The following GPI variants were observed in gnomAD, a reference collection of about 807,000 sequenced individuals.
GPI encodes the protein D-hexose-6-phosphate anomerase.
GPI carries 56 observed loss-of-function variants against 75.8 expected under a neutral mutation model. That is an observed-to-expected ratio of 0.74 (90% CI 0.60 to 0.92). GPI has a LOEUF of 0.92. Ranked by LOEUF, GPI falls within the 40% of genes least tolerant of loss-of-function variation. GPI has a pLI of 0.00. For synonymous variants in GPI, 288 were observed against 285.4 expected (o/e 1.01, Z -0.09); for missense variants, 638 against 741.0 (o/e 0.86, Z 1.61).
Position 34,400,449 on chromosome 19 carries a change from C to CG in GPI, c.*416dup. 1.7e-6 allele frequency: 1 copy of CG among 578,916 alleles called. No individual in the cohort carries two copies. Among genetic ancestry groups the CG allele is most frequent in the Non-Finnish European group, 3.0e-6 (1 of 328,312 alleles). 35.9% of individuals were successfully genotyped at this position (578,916 alleles called of 1,614,324 possible). ...CGGACACTTAACACTAAGTGGTGAG[C>CG]GGGTCTAGAGTGGAGCAAGGTGCCC... On this transcript the variant is annotated 3_prime_UTR_variant, in exon 18 of 18. Transcript: ENST00000356487.
At position 34,400,209 on chromosome 19, in the gene GPI, C is replaced by T. The variant is rs1056419782; in HGVS notation, c.*173C>T. 1.4e-5 allele frequency: 10 copies of T among 703,214 alleles called. No individual in the cohort carries two copies. The highest frequency in any genetic ancestry group is 2.3e-5 in the Non-Finnish European group (9 of 392,838). The allele number at this position is 703,214 out of a possible 1,614,324, so 43.6% of individuals were successfully genotyped here. A position where few individuals can be genotyped will look rare whatever the true frequency, so the allele number is the denominator to read the frequency against. On this transcript the variant is annotated 3_prime_UTR_variant, in exon 18 of 18. Transcript: ENST00000356487. Reference sequence around the variant, plus strand: ...TCTCCCCCAGCCTAACCCCCAGCCCCTCCATGTCTATGCTCCCTCTGTGTT... The same window carrying T: ...TCTCCCCCAGCCTAACCCCCAGCCCTTCCATGTCTATGCTCCCTCTGTGTT...
At chr19:34,375,143 A>AG (rs2074514845) in intron 4 of GPI, among the ~76,000 whole-genome samples, 1 of 104,418 alleles carries the variant, frequency 9.6e-6, no homozygotes, top group South Asian at 3.2e-4. Flanking sequence ...ACAGCAATAC[A>AG]CTTTTTTTTT....
chr19:34,359,745 C>G (rs1273660303), upstream of GPI: 2 of 152,848 alleles, frequency 1.3e-5, no homozygotes, highest in African/African-American at 2.4e-5. Flanking sequence ...GTCCCTCTGC[C>G]TTCACTCCCA....
rs1381514006 is a variant in GPI, at chr19:34,368,451, T to C, written c.283-132T>C. On this transcript the variant is annotated intron_variant, in intron 3 of 17. Coordinates refer to ENST00000356487, the MANE Select transcript of GPI (RefSeq NM_000175.5). ...ACAGTGGGTTCTTGGAACAAGGTTA[T>C]GGTGCTAACAGAGACCTCAGGGCCT... 1.2e-5 allele frequency: 11 copies of C among 911,600 alleles called. No individual in the cohort carries two copies. In the Admixed American group the frequency reaches 2.2e-4, roughly 18 times the overall value. 56.5% of individuals were successfully genotyped at this position (911,600 alleles called of 1,614,324 possible). A position where few individuals can be genotyped will look rare whatever the true frequency, so the allele number is the denominator to read the frequency against.
chr19:34,395,069 G>T (rs1167623104), intron 12 of GPI, among the ~76,000 whole-genome samples: 2 of 152,156 alleles, frequency 1.3e-5, no homozygotes, highest in East Asian at 3.9e-4. Context: ...CTCTTGAGTT[G>T]CTCTGGGCAG....
At chr19:34,378,891 A>T in intron 6 of GPI, 43 bp from the exon 7 acceptor site, 2 of 1,492,756 alleles carry the variant, frequency 1.3e-6, no homozygotes, top group Non-Finnish European at 1.9e-6. Context: ...GCCTGCACCC[A>T]CCCCTAAGCT....
At chr19:34,391,304 C>T (rs897005137) in intron 9 of GPI, among the ~76,000 whole-genome samples, 12 of 48,356 alleles carry the variant, frequency 2.5e-4, no homozygotes, top group African/African-American at 8.5e-4. Flanking sequence ...TAAGATCTGG[C>T]CCTGGTATGA....
At chr19:34,381,827 A>T (rs533843351) in intron 9 of GPI, among the ~76,000 whole-genome samples, 2 of 152,204 alleles carry the variant, frequency 1.3e-5, no homozygotes, top group Admixed American at 1.3e-4. Context: ...TGAGGTTGTG[A>T]GTTATTCTCA....
chr19:34,384,864 G>A (rs970537794), intron 9 of GPI, among the ~76,000 whole-genome samples: 13 of 152,058 alleles, frequency 8.5e-5, no homozygotes, highest in Non-Finnish European at 1.5e-4. Context: ...CCAGCATAGC[G>A]AAACCCCGTC....
chr19:34,372,903 A>G (rs1403742747), intron 4 of GPI, among the ~76,000 whole-genome samples: 1 of 151,876 alleles, frequency 6.6e-6, no homozygotes, highest in Non-Finnish European at 1.5e-5. Context: ...CCTCCCGAGT[A>G]GCTGGGATTA....
upstream of GPI, chr19:34,364,905 G>C (rs1406051355): frequency 2.1e-6 from 3 of 1,415,946 alleles, no homozygotes; most frequent in Admixed American, 2.0e-5. Context: ...GAGTGCAGCG[G>C]CGCGATGGTA....
At chr19:34,362,662 G>T (rs756871739), upstream of GPI, among the ~76,000 whole-genome samples, 6 of 152,190 alleles carry the variant, frequency 3.9e-5, no homozygotes, top group Non-Finnish European at 7.3e-5. Flanking sequence ...CATTCTAGCT[G>T]CAGGTAGAGG....
At chr19:34,399,472 C>T (rs1260355157) in intron 15 of GPI, 84 bp from the exon 16 acceptor site, 2 of 1,559,860 alleles carry the variant, frequency 1.3e-6, no homozygotes, top group Non-Finnish European at 1.8e-6. Flanking sequence ...CTGCACGTCT[C>T]AGCCTCTGGG....
chr19:34,377,208 A>C (rs2074551194), intron 4 of GPI, among the ~76,000 whole-genome samples: 1 of 145,346 alleles, frequency 6.9e-6, no homozygotes. Context: ...AGGCTGAGGC[A>C]GGAGAATGAC....
chr19:34,364,289 G>T (rs760803043), upstream of GPI, among the ~76,000 whole-genome samples: 5 of 151,872 alleles, frequency 3.3e-5, no homozygotes, highest in Non-Finnish European at 4.4e-5. Flanking sequence ...CAAAGTGCTG[G>T]GATTATAGGC....
chr19:34,379,619 G>A, intron 8 of GPI, 57 bp downstream of exon 8: 1 of 1,387,522 alleles, frequency 7.2e-7, no homozygotes, highest in Non-Finnish European at 1.0e-6. Flanking sequence ...GCATGTCCAG[G>A]TCATGGCCTC....
intron 4 of GPI, among the ~76,000 whole-genome samples, chr19:34,371,087 T>C (rs916164851): frequency 2.6e-5 from 4 of 152,258 alleles, no homozygotes; most frequent in African/African-American, 9.6e-5. Context: ...TCAGTCTGGG[T>C]GTGCTCAGCC....
intron 6 of GPI, among the ~76,000 whole-genome samples, chr19:34,378,724 T>G (rs1054887031): frequency 6.6e-6 from 1 of 152,216 alleles, no homozygotes; most frequent in African/African-American, 2.4e-5. Flanking sequence ...ACCTGCAGGC[T>G]TAGGGTTGGG....
intron 2 of GPI, among the ~76,000 whole-genome samples, 154 bp from the exon 3 acceptor site, chr19:34,366,629 G>A (rs1157551472): frequency 3.3e-5 from 5 of 152,112 alleles, no homozygotes; most frequent in Non-Finnish European, 7.4e-5. Context: ...AGTGTCTGAT[G>A]TCTGAGTAGA....
Sources: gnomAD v4.1 joint callset for allele counts (sites outside exome capture counted in the v4.1 genomes callset) on GRCh38, gnomAD v4.1.1 for gene constraint, MANE v1.5 for transcripts, NCBI Gene and HGNC (gene_info 2026-07-23, HGNC 2026-07-21) for gene names.